NKAIN2: variants seen among roughly 807,000 people sequenced by gnomAD.
The protein encoded by NKAIN2 is sodium/potassium-transporting ATPase subunit beta-1-interacting protein 2.
A neutral mutation model predicts 32.6 loss-of-function variants in NKAIN2; 14 were observed. That is an observed-to-expected ratio of 0.43 (90% confidence interval 0.28 to 0.67). NKAIN2 has a LOEUF of 0.67. Among genes scored for constraint, NKAIN2 ranks in the 30% least tolerant of loss-of-function variants. The pLI is 0.17. For missense variants in NKAIN2, 198 were observed against 258.3 expected (o/e 0.77, Z 1.60); for synonymous variants, 80 against 87.2 (o/e 0.92, Z 0.46).
At chr6:124,366,845 T>C (rs915295093) in intron 3 of NKAIN2, among the ~76,000 whole-genome samples, 2 of 151,654 alleles carry the variant, frequency 1.3e-5, no homozygotes, top group Non-Finnish European at 2.9e-5. Flanking sequence ...GGAGGATCAC[T>C]TAAGCCCAGG....
At chr6:124,147,672 A>C (rs1787484933) in intron 1 of NKAIN2, among the ~76,000 whole-genome samples, 1 of 152,164 alleles carries the variant, frequency 6.6e-6, no homozygotes, top group Non-Finnish European at 1.5e-5. Flanking sequence ...AAATGCTATC[A>C]AAGTGACTTT....
intron 3 of NKAIN2, among the ~76,000 whole-genome samples, chr6:124,573,274 C>G (rs1163069639): frequency 1.3e-5 from 2 of 152,196 alleles, no homozygotes; most frequent in East Asian, 3.9e-4. Context: ...GATGTTCAGG[C>G]AGCAGCATAC....
intron 4 of NKAIN2, among the ~76,000 whole-genome samples, chr6:124,727,544 G>T (rs1020085082): frequency 1.3e-5 from 2 of 151,624 alleles, no homozygotes; most frequent in Non-Finnish European, 2.9e-5. Context: ...CCCTAAAAGA[G>T]CTCCTGAAGG....
At chr6:124,558,458 C>T (rs1050926289) in intron 3 of NKAIN2, among the ~76,000 whole-genome samples, 1 of 152,084 alleles carries the variant, frequency 6.6e-6, no homozygotes, top group Non-Finnish European at 1.5e-5. Context: ...TTCAGACTTT[C>T]TAAGTCTCTC....
At chr6:124,080,186 G>A (rs1031858976) in intron 1 of NKAIN2, among the ~76,000 whole-genome samples, 1 of 152,086 alleles carries the variant, frequency 6.6e-6, no homozygotes, top group Non-Finnish European at 1.5e-5. Flanking sequence ...GTTTACCTAG[G>A]CTAATATATT....
chr6:124,616,436 T>C (rs1782893978), intron 3 of NKAIN2, among the ~76,000 whole-genome samples: 1 of 136,962 alleles, frequency 7.3e-6, no homozygotes, highest in Non-Finnish European at 1.6e-5. Flanking sequence ...TTCTTTTCTT[T>C]CTTTTTTTTT....
At chr6:124,005,051 C>G (rs1221875797) in intron 1 of NKAIN2, among the ~76,000 whole-genome samples, 1 of 151,854 alleles carries the variant, frequency 6.6e-6, no homozygotes. Flanking sequence ...ATAGTGAAAC[C>G]CTGTCTTTAC....
intron 3 of NKAIN2, among the ~76,000 whole-genome samples, chr6:124,523,873 T>C (rs2114803685): frequency 6.6e-6 from 1 of 152,282 alleles, no homozygotes; most frequent in East Asian, 1.9e-4. Context: ...CCTATTTTAA[T>C]ATACCTATAG....
intron 2 of NKAIN2, among the ~76,000 whole-genome samples, chr6:124,348,054 GA>G (rs1798522223): frequency 6.6e-6 from 1 of 152,184 alleles, no homozygotes; most frequent in Non-Finnish European, 1.5e-5. Flanking sequence ...CCTTCTAACA[GA>G]CAGGACCCTC....
intron 1 of NKAIN2, among the ~76,000 whole-genome samples, chr6:124,251,357 C>A (rs1052233315): frequency 6.6e-6 from 1 of 151,912 alleles, no homozygotes; most frequent in African/African-American, 2.4e-5. Context: ...GTATTCTTAG[C>A]ATAAACACTT....
chr6:124,752,905 T>A (rs1436686597), intron 4 of NKAIN2, among the ~76,000 whole-genome samples: 2 of 152,082 alleles, frequency 1.3e-5, no homozygotes, highest in Non-Finnish European at 2.9e-5. Flanking sequence ...AGACTACACA[T>A]CAACAAAAGG....
chr6:123,850,282 A>C (rs1218924234), intron 1 of NKAIN2, among the ~76,000 whole-genome samples: 2 of 150,796 alleles, frequency 1.3e-5, no homozygotes, highest in African/African-American at 4.9e-5. Flanking sequence ...GATACCTCAG[A>C]GTAGAAGGGA....
intron 1 of NKAIN2, among the ~76,000 whole-genome samples, chr6:123,896,854 T>C (rs980995891): frequency 6.6e-5 from 10 of 152,186 alleles, no homozygotes; most frequent in Non-Finnish European, 5.9e-5. Flanking sequence ...ACTTAGATAC[T>C]TTTTTCATAT....
intron 1 of NKAIN2, among the ~76,000 whole-genome samples, chr6:123,952,529 G>A (rs981150528): frequency 4.6e-5 from 7 of 151,958 alleles, no homozygotes; most frequent in African/African-American, 2.4e-5. Context: ...TGAATATATT[G>A]TTGTTTTATG....
intron 5 of NKAIN2, among the ~76,000 whole-genome samples, chr6:124,796,563 A>C (rs570328254): frequency 6.6e-6 from 1 of 152,180 alleles, no homozygotes; most frequent in South Asian, 2.1e-4. Flanking sequence ...AAGAGGCTTC[A>C]GGGCTGTATT....
intron 1 of NKAIN2, among the ~76,000 whole-genome samples, chr6:124,281,030 C>T (rs56029611): frequency 0.19 from 28,932 of 152,040 alleles, 2,991 homozygotes; most frequent in East Asian, 0.26. Context: ...TTAGTTATTA[C>T]ATTATCATCT....
At chr6:124,564,856 G>C (rs1326629537) in intron 3 of NKAIN2, among the ~76,000 whole-genome samples, 1 of 152,160 alleles carries the variant, frequency 6.6e-6, no homozygotes, top group Non-Finnish European at 1.5e-5. Context: ...AATCATCTTA[G>C]AGAATGATTC....
chr6:124,429,124 G>A (rs1294640759), intron 3 of NKAIN2, among the ~76,000 whole-genome samples: 1 of 151,954 alleles, frequency 6.6e-6, no homozygotes, highest in Non-Finnish European at 1.5e-5. Context: ...TGCAACCTCT[G>A]CCTGTTGGGT....
chr6:124,018,649 C>G (rs1044812028), intron 1 of NKAIN2, among the ~76,000 whole-genome samples: 4 of 152,180 alleles, frequency 2.6e-5, no homozygotes, highest in African/African-American at 7.2e-5. Context: ...CAGTTCCCAA[C>G]AAGTTCCTCA....
Sources: gnomAD v4.1 joint callset for allele counts (sites outside exome capture counted in the v4.1 genomes callset) on GRCh38, gnomAD v4.1.1 for gene constraint, MANE v1.5 for transcripts, NCBI Gene and HGNC (gene_info 2026-07-23, HGNC 2026-07-21) for gene names.